Variants in C1GALT1 observed in about 807,000 individuals in gnomAD.
C1GALT1 encodes core 1 synthase, glycoprotein-N-acetylgalactosamine 3-beta-galactosyltransferase 1.
In C1GALT1, 11 loss-of-function variants were observed where a neutral mutation model predicts 31.0. The ratio of observed to expected loss-of-function variants is 0.36; its 90% CI spans 0.22 to 0.59. The LOEUF (loss-of-function observed/expected upper bound fraction) is 0.59. Among genes scored for constraint, C1GALT1 ranks in the 20% least tolerant of loss-of-function variants. The pLI is 0.79. For missense variants in C1GALT1, 424 were observed against 425.2 expected (o/e 1.00, Z 0.03); for synonymous variants, 175 against 143.6 (o/e 1.22, Z -1.56).
chr7:7,233,242 A>G (rs1012738063), intron 1 of C1GALT1, among the ~76,000 whole-genome samples: 10 of 152,060 alleles, frequency 6.6e-5, no homozygotes, highest in African/African-American at 2.4e-4. Flanking sequence ...TAGATCTTGC[A>G]GTATAGAGCA....
At chr7:7,192,689 C>G (rs1781126938) in intron 1 of C1GALT1, among the ~76,000 whole-genome samples, 2 of 152,072 alleles carry the variant, frequency 1.3e-5, no homozygotes, top group Non-Finnish European at 2.9e-5. Context: ...ATTGCTGGGT[C>G]AAATGTTAGA....
chr7:7,172,474 A>G (rs1359378282), intron 2 of C1GALT1, among the ~76,000 whole-genome samples: 1 of 151,978 alleles, frequency 6.6e-6, no homozygotes. Flanking sequence ...AGTTTCTTGG[A>G]TTTGTAGGTT....
chr7:7,238,716 A>G lies in C1GALT1; in HGVS notation c.682A>G (p.Lys228Glu). Reference sequence around the variant, plus strand: ...CTTGAAAAGATTTGTTGATGCATTTAAAACAGACAAGTGTACACATAGTTC... The same window carrying G: ...CTTGAAAAGATTTGTTGATGCATTTGAAACAGACAAGTGTACACATAGTTC... ...EALKRFVDAF[K>E]TDKCTHSSSI... is the part of the protein sequence containing the mutation. The change falls in exon 3 of 4, where the codon AAA (lysine) becomes GAA (glutamate). Residue 228 changes from lysine (K) to glutamate (E), a missense_variant. Coordinates refer to ENST00000436587, the MANE Select transcript of C1GALT1 (RefSeq NM_020156.5). The surrounding 1 kb of genome is among the most constrained non-coding windows in gnomAD (Gnocchi z 5.2). 1 of 1,614,060 alleles carries G rather than the reference A, an allele frequency of 6.2e-7. No individual in the cohort carries two copies. Among genetic ancestry groups the G allele is most frequent in the East Asian group, 2.2e-5 (1 of 44,868 alleles).
chr7:7,166,516 C>T (rs758458929), intron 2 of C1GALT1, among the ~76,000 whole-genome samples: 44 of 151,994 alleles, frequency 2.9e-4, no homozygotes, highest in Non-Finnish European at 5.3e-4. Context: ...TGGGAAGTGG[C>T]AGGAGGAAAC....
intron 3 of C1GALT1, among the ~76,000 whole-genome samples, chr7:7,239,265 T>C (rs1783513303): frequency 6.6e-6 from 1 of 152,150 alleles, no homozygotes; most frequent in Admixed American, 6.5e-5. Context: ...TAGTAGTAAG[T>C]GCCCTGAAGA....
At position 7,238,992 on chromosome 7, in the gene C1GALT1, A is replaced by C; in HGVS notation, c.888+70A>C. On this transcript the variant is annotated intron_variant, in intron 3 of 3. Coordinates refer to ENST00000436587, the MANE Select transcript of C1GALT1 (RefSeq NM_020156.5). The surrounding 1 kb of genome is among the most constrained non-coding windows in gnomAD (Gnocchi z 5.2). ...GAATTTTGTTGATAAAAACATGTTA[A>C]TATGTGTATGTTTCTTTAGTACCAA... is the stretch of plus-strand genomic sequence containing the variant. 1 of 1,243,626 alleles carries C rather than the reference A, an allele frequency of 8.0e-7. No homozygotes were observed. Among genetic ancestry groups the C allele is most frequent in the South Asian group, 1.4e-5 (1 of 69,238 alleles). 77.0% of individuals were successfully genotyped at this position (1,243,626 alleles called of 1,614,324 possible).
At chr7:7,219,089 C>T (rs893557082) in intron 1 of C1GALT1, among the ~76,000 whole-genome samples, 3 of 152,100 alleles carry the variant, frequency 2.0e-5, no homozygotes, top group Admixed American at 1.3e-4. Context: ...CCGCCCGCCT[C>T]GGCCTCCCAA....
At chr7:7,221,006 G>A (rs569198711) in intron 1 of C1GALT1, among the ~76,000 whole-genome samples, 2 of 152,092 alleles carry the variant, frequency 1.3e-5, no homozygotes, top group African/African-American at 4.8e-5. Context: ...AAGTTTGCAG[G>A]ATGGCTTTGA....
chr7:7,194,397 T>C (rs1781200245), intron 1 of C1GALT1, among the ~76,000 whole-genome samples: 1 of 152,170 alleles, frequency 6.6e-6, no homozygotes, highest in Admixed American at 6.5e-5. Flanking sequence ...ACACTGGATT[T>C]TGCCAAATGC....
Position 7,243,754 on chromosome 7 carries a change from A to G in C1GALT1, c.*27A>G, listed in dbSNP as rs774718616. ...AGAAAATCATGAATGAACAAAGGTA[A>G]TATGTCTAGCACTGCACTGAAAAAG... On this transcript the variant is annotated 3_prime_UTR_variant, in exon 4 of 4. Transcript: ENST00000436587. The G allele has an allele frequency of 4.6e-6, 7 of 1,528,294 alleles. No individual in the cohort carries two copies. The highest frequency in any genetic ancestry group is 3.6e-5 in the South Asian group (3 of 84,218). 94.7% of individuals were successfully genotyped at this position (1,528,294 alleles called of 1,614,324 possible). A position where few individuals can be genotyped will look rare whatever the true frequency, so the allele number is the denominator to read the frequency against.
intron 1 of C1GALT1, among the ~76,000 whole-genome samples, chr7:7,202,339 G>T (rs1000585392): frequency 6.6e-6 from 1 of 152,136 alleles, no homozygotes; most frequent in African/African-American, 2.4e-5. Context: ...GTCTGAGTGG[G>T]AGCTCCAAGT....
Position 7,238,671 on chromosome 7 carries a change from T to C in C1GALT1, c.637T>C (p.Tyr213His). ...GGGCTACATGAGTGGAGGAGCAGGA[T>C]ATGTACTAAGCAAAGAAGCCTTGAA... ...KQGYMSGGAG[Y>H]VLSKEALKRF... Residue 213 changes from tyrosine to histidine, a missense_variant, in exon 3 of 4, where the codon TAT becomes CAT. Tyr to His is a moderately conservative substitution (Grantham distance 83). Transcript: ENST00000436587. The surrounding 1 kb of genome is among the most constrained non-coding windows in gnomAD (Gnocchi z 5.2). 1 of 1,614,108 alleles carries C rather than the reference T, an allele frequency of 6.2e-7. No individual in the cohort carries two copies. The highest frequency in any genetic ancestry group is 8.5e-7 in the Non-Finnish European group (1 of 1,179,974).
intron 1 of C1GALT1, among the ~76,000 whole-genome samples, chr7:7,204,948 C>T (rs994816922): frequency 2.6e-5 from 4 of 152,162 alleles, no homozygotes; most frequent in African/African-American, 9.7e-5. Flanking sequence ...TGTGGCCTAA[C>T]ATGGTGTATC....
At chr7:7,203,382 G>A (rs1781600885) in intron 1 of C1GALT1, among the ~76,000 whole-genome samples, 1 of 151,984 alleles carries the variant, frequency 6.6e-6, no homozygotes, top group Non-Finnish European at 1.5e-5. Context: ...GGTTTCTCGT[G>A]AGTGTTTATA....
chr7:7,176,035 T>C (rs1414714210), intron 2 of C1GALT1, among the ~76,000 whole-genome samples: 2 of 152,330 alleles, frequency 1.3e-5, no homozygotes, highest in East Asian at 1.9e-4. Context: ...GGAGACAGCA[T>C]GGAAGCTACA....
chr7:7,169,900 A>G (rs1000459437), intron 2 of C1GALT1, among the ~76,000 whole-genome samples: 5 of 152,086 alleles, frequency 3.3e-5, no homozygotes, highest in Admixed American at 3.3e-4. Context: ...TTCCTCTTCT[A>G]TTTTCTGAAA....
rs546419226 is a variant in C1GALT1, at chr7:7,234,081, C to T, written c.-17-222C>T. On this transcript the variant is annotated intron_variant, in intron 1 of 3. Transcript: ENST00000436587. ...CTGTGTGCAATACTGACATACTCATCCATACCCCACCCCAACTGTGACTGT... is the reference window on the plus strand; with the variant it reads ...CTGTGTGCAATACTGACATACTCATTCATACCCCACCCCAACTGTGACTGT... Among the ~76,000 whole-genome samples, 93 of 152,272 alleles carry T rather than the reference C, an allele frequency of 6.1e-4. 2 individuals carry two copies. The South Asian group carries it at 0.012, about 19-fold the overall frequency.
Position 7,182,807 on chromosome 7 carries a change from G to A in C1GALT1, c.-31G>A, listed in dbSNP as rs999241062. 3.6e-5 allele frequency: 35 copies of A among 985,434 alleles called. No individual in the cohort carries two copies. The highest frequency in any genetic ancestry group is 4.1e-5 in the Non-Finnish European group (34 of 830,076). 61.0% of individuals were successfully genotyped at this position (985,434 alleles called of 1,614,324 possible). On this transcript the variant is annotated 5_prime_UTR_variant, in exon 1 of 4. Coordinates refer to ENST00000436587, the MANE Select transcript of C1GALT1 (RefSeq NM_020156.5). ...CCCCCAGGAGGGGCGAGAGGGAGCC[G>A]CAGCTGATGTCAGGTATGGCCGGCG...
chr7:7,241,283 C>G (rs552538283), intron 3 of C1GALT1, among the ~76,000 whole-genome samples: 1 of 152,002 alleles, frequency 6.6e-6, no homozygotes, highest in South Asian at 2.1e-4. Context: ...TTTTTTAACT[C>G]ATTACTGATT....
Sources: gnomAD v4.1 joint callset for allele counts (sites outside exome capture counted in the v4.1 genomes callset) on GRCh38, gnomAD v4.1.1 for gene constraint, Gnocchi (gnomAD v3.1) non-coding constraint, MANE v1.5 for transcripts, NCBI Gene and HGNC (gene_info 2026-07-23, HGNC 2026-07-21) for gene names.